Variants in SVIL observed in about 807,000 individuals in gnomAD.
SVIL encodes supervillin, also known as archvillin.
In SVIL, 101 loss-of-function variants were observed where a neutral mutation model predicts 240.4. That is an observed-to-expected ratio of 0.42 (90% CI 0.36 to 0.50). SVIL has a LOEUF of 0.50. SVIL is among the 20% of genes least tolerant of loss of function. The probability of loss-of-function intolerance (pLI) is 0.01; values close to 1 mark genes in which losing one functional copy is unlikely to be tolerated. For missense variants in SVIL, 2,512 were observed against 2,818.7 expected, an observed-to-expected ratio of 0.89 and a Z score of 2.46; for synonymous variants, 999 against 1,100.0, an observed-to-expected ratio of 0.91 and a Z score of 1.82.
upstream of SVIL, among the ~76,000 whole-genome samples, chr10:29,637,192 G>A (rs1037142925): frequency 1.3e-5 from 2 of 152,096 alleles, no homozygotes; most frequent in African/African-American, 4.8e-5. Context: ...TGAAAAAGAA[G>A]AAAAAAGTTA....
intron 1 of SVIL, among the ~76,000 whole-genome samples, chr10:29,718,999 A>G (rs1963813249): frequency 6.6e-6 from 1 of 152,156 alleles, no homozygotes. Context: ...CATCCCAGCT[A>G]CTTGGGAGGC....
At chr10:29,650,113 A>T (rs1029890559) in intron 3 of SVIL, among the ~76,000 whole-genome samples, 3 of 152,200 alleles carry the variant, frequency 2.0e-5, no homozygotes, top group Non-Finnish European at 4.4e-5. Flanking sequence ...AGTCTGTGGT[A>T]TTCTGTTATG....
chr10:29,700,189 T>C (rs1962399926), intron 1 of SVIL, among the ~76,000 whole-genome samples: 1 of 152,206 alleles, frequency 6.6e-6, no homozygotes, highest in South Asian at 2.1e-4. Flanking sequence ...AGTGGGAATG[T>C]TGAGACCCTA....
At chr10:29,657,530 A>G (rs1959042300) in intron 3 of SVIL, among the ~76,000 whole-genome samples, 1 of 152,022 alleles carries the variant, frequency 6.6e-6, no homozygotes, top group Admixed American at 6.6e-5. Context: ...CCTGCTCCAG[A>G]GAGGCAGGTC....
At chr10:29,500,360 A>G (rs1321056434) in intron 17 of SVIL, among the ~76,000 whole-genome samples, 1 of 152,110 alleles carries the variant, frequency 6.6e-6, no homozygotes, top group Non-Finnish European at 1.5e-5. Flanking sequence ...GGGGAGAAGC[A>G]CAGGAGGTGT....
At chr10:29,587,974 C>T (rs575052297) in intron 1 of SVIL, among the ~76,000 whole-genome samples, 148 of 152,308 alleles carry the variant, frequency 9.7e-4, no homozygotes, top group Non-Finnish European at 1.8e-3. Context: ...GACTCTCCCC[C>T]ACCCTGGCCC....
Position 29,695,380 on chromosome 10 carries a change from C to T in SVIL, c.-399-8729G>A, listed in dbSNP as rs765131267. On this transcript the variant is annotated intron_variant, in intron 1 of 35. Coordinates refer to the SVIL transcript ENST00000375400. ...ATGAGGGGTACACTAAGTGCCCTGA[C>T]TTCACCACTACACAATTCATCCATG... 4.6e-5 allele frequency among the ~76,000 whole-genome samples: 7 copies of T among 152,212 alleles called. No homozygotes were observed. In the South Asian group the frequency reaches 1.4e-3, roughly 32 times the overall value.
In SVIL at chr10:29,488,845, C is replaced by G. The variant is rs1485746840; in HGVS notation, c.4193-89G>C. On this transcript the variant is annotated intron_variant, in intron 22 of 37. Transcript: ENST00000355867. ...CAGAAATTATTCATAACTGACTCAA[C>G]ACCTTTGTCTTTTCAAGTTAATCCC... 5.0e-6 allele frequency: 7 copies of G among 1,400,782 alleles called. No individual in the cohort carries two copies. In the African/African-American group the frequency reaches 8.8e-5, roughly 18 times the overall value. The allele number at this position is 1,400,782 out of a possible 1,614,324, so 86.8% of individuals were successfully genotyped here.
intron 1 of SVIL, among the ~76,000 whole-genome samples, chr10:29,720,225 T>C (rs946991290): frequency 1.3e-4 from 19 of 151,662 alleles, no homozygotes; most frequent in African/African-American, 3.9e-4. Flanking sequence ...AAATACTAAA[T>C]GCAATTAGAA....
At chr10:29,587,226 A>C (rs1440346605) in intron 1 of SVIL, among the ~76,000 whole-genome samples, 1 of 152,206 alleles carries the variant, frequency 6.6e-6, no homozygotes, top group African/African-American at 2.4e-5. Flanking sequence ...AGGAGAGTGC[A>C]TATTCCTGTC....
chr10:29,581,370 C>A lies in SVIL; in HGVS notation c.-200-12058G>T, dbSNP rs553940425. ...TCCTCATTTTAGTCTAATTCTCCTCCTGCGTGCACTGTGAGATGCTCTGTG... is the reference window on the plus strand; with the variant it reads ...TCCTCATTTTAGTCTAATTCTCCTCATGCGTGCACTGTGAGATGCTCTGTG... On this transcript the variant is annotated intron_variant, in intron 1 of 37. Transcript: ENST00000355867. 2.0e-5 allele frequency among the ~76,000 whole-genome samples: 3 copies of A among 152,282 alleles called. No individual in the cohort carries two copies. The South Asian group carries it at 6.2e-4, about 32-fold the overall frequency.
At position 29,606,849 on chromosome 10, in the gene SVIL, T is replaced by TGATCAAGCAGTTCTCCTGC. The variant is rs1554874647; in HGVS notation, c.-201+27570_-201+27571insGCAGGAGAACTGCTTGATC. Among the ~76,000 whole-genome samples, 15 of 152,150 alleles carry TGATCAAGCAGTTCTCCTGC rather than the reference T, an allele frequency of 9.9e-5. No individual in the cohort carries two copies. The South Asian group carries it at 2.9e-3, about 29-fold the overall frequency. On this transcript the variant is annotated intron_variant, in intron 1 of 37. Coordinates refer to ENST00000355867, the MANE Select transcript of SVIL (RefSeq NM_021738.3). ...AGCTCATGGCAACCTCTGCCTCCTG[T>TGATCAAGCAGTTCTCCTGC]GTTCAAGCAGTTCTCCTGCCTCAGC...
At chr10:29,622,249 CAAAAAAAAA>C (rs71020801) in intron 1 of SVIL, among the ~76,000 whole-genome samples, 2 of 51,628 alleles carry the variant, frequency 3.9e-5, no homozygotes, top group East Asian at 8.4e-4. Context: ...GACTCCGTCT[CAAAAAAAAA>C]AAAAAAAAAA....
At chr10:29,626,884 C>T (rs1408494616) in intron 1 of SVIL, among the ~76,000 whole-genome samples, 1 of 151,912 alleles carries the variant, frequency 6.6e-6, no homozygotes, top group Non-Finnish European at 1.5e-5. Context: ...GTTAGCTGGG[C>T]GTGGTGGCGG....
In SVIL at chr10:29,522,532, C is replaced by G; in HGVS notation, c.3267G>C (p.Ser1089=). ...APVSWKPQDS[S]EQPQEKLCKN... ...TGCAGAGCTTCTCCTGTGGCTGTTCCGAAGAATCCTGGGGCTTCCAGGACA... is the reference window on the plus strand; with the variant it reads ...TGCAGAGCTTCTCCTGTGGCTGTTCGGAAGAATCCTGGGGCTTCCAGGACA... Residue 1089 remains serine (S), a synonymous_variant, in exon 16 of 38, where the codon TCG becomes TCC. Coordinates refer to ENST00000355867, the MANE Select transcript of SVIL (RefSeq NM_021738.3). The G allele has an allele frequency of 6.2e-7, 1 of 1,614,188 alleles. No individual in the cohort carries two copies. Among genetic ancestry groups the G allele is most frequent in the Non-Finnish European group, 8.5e-7 (1 of 1,180,032 alleles).
intron 35 of SVIL, among the ~76,000 whole-genome samples, chr10:29,462,656 G>A (rs1469051221): frequency 1.3e-5 from 2 of 152,152 alleles, no homozygotes; most frequent in Non-Finnish European, 2.9e-5. Flanking sequence ...TGTATTCCTG[G>A]AAGGGAGAGA....
chr10:29,555,752 T>A (rs1041449548), intron 3 of SVIL, among the ~76,000 whole-genome samples: 2 of 152,230 alleles, frequency 1.3e-5, no homozygotes, highest in African/African-American at 4.8e-5. Flanking sequence ...TAAGCTTCTA[T>A]TATGGAAATC....
rs191281382 is a variant in SVIL at position 29,551,276 on chromosome 10, C to T, written c.161-13G>A. 135 of 1,571,760 alleles carry T rather than the reference C, an allele frequency of 8.6e-5. No homozygotes were observed. In the East Asian group the frequency reaches 2.9e-3, roughly 34 times the overall value. Reference sequence around the variant, plus strand: ...TCATTTGATCGGCCTACAAGAAGGTCACATGGATGAGAGGTGCAGATTTCA... The same window carrying T: ...TCATTTGATCGGCCTACAAGAAGGTTACATGGATGAGAGGTGCAGATTTCA... On this transcript the variant is annotated splice_polypyrimidine_tract_variant and intron_variant, in intron 5 of 37. Coordinates refer to ENST00000355867, the MANE Select transcript of SVIL (RefSeq NM_021738.3).
chr10:29,585,845 G>A (rs1255677106), intron 1 of SVIL, among the ~76,000 whole-genome samples: 1 of 152,226 alleles, frequency 6.6e-6, no homozygotes, highest in Non-Finnish European at 1.5e-5. Context: ...GGTGTCCGAC[G>A]CCTCAGCTCA....
Sources: allele counts gnomAD v4.1 joint callset (sites outside exome capture counted in the v4.1 genomes callset), GRCh38; gene constraint gnomAD v4.1.1; transcripts MANE v1.5; gene names NCBI Gene and HGNC (gene_info 2026-07-23, HGNC 2026-07-21).